The following PITPNM2 variants were observed in gnomAD, a reference collection of about 807,000 sequenced individuals.
PITPNM2 encodes the protein phosphatidylinositol transfer protein membrane associated 2.
Under a neutral mutation model 132.2 loss-of-function variants are expected in PITPNM2, and 35 were observed. That is an observed-to-expected ratio of 0.26 (90% CI 0.20 to 0.35). PITPNM2 has a LOEUF of 0.35. PITPNM2 is among the 10% of genes least tolerant of loss of function. The probability of loss-of-function intolerance (pLI) is 1.00; values close to 1 mark genes in which losing one functional copy is unlikely to be tolerated. For synonymous variants in PITPNM2, 738 were observed against 799.2 expected, an observed-to-expected ratio of 0.92 and a Z score of 1.29; for missense variants, 1,332 against 1,912.0, an observed-to-expected ratio of 0.70 and a Z score of 5.66.
chr12:123,012,577 A>G, intron 5 of PITPNM2, 36 bp downstream of exon 5: 1 of 1,610,440 alleles, frequency 6.2e-7, no homozygotes, highest in Non-Finnish European at 8.5e-7. Flanking sequence ...GGAAACCCAG[A>G]GTACAGCCCT....
intron 3 of PITPNM2, among the ~76,000 whole-genome samples, chr12:123,019,306 G>A (rs753487164): frequency 1.3e-5 from 2 of 152,250 alleles, no homozygotes; most frequent in African/African-American, 2.4e-5. Context: ...GCTTGGCCTG[G>A]TGCTGGTTAC....
Position 122,996,774 on chromosome 12 carries a change from G to A in PITPNM2, c.1609C>T (p.Leu537Phe). 6.2e-7 allele frequency: 1 copy of A among 1,611,530 alleles called. No homozygotes were observed. Among genetic ancestry groups the A allele is most frequent in the Non-Finnish European group, 8.5e-7 (1 of 1,179,382 alleles). The change falls in exon 12 of 26, where the codon CTT becomes TTT. Residue 537 changes from leucine (L) to phenylalanine (F), a missense_variant. Physicochemically the swap from Leu to Phe is conservative, Grantham distance 22. Coordinates refer to ENST00000320201, the MANE Select transcript of PITPNM2 (RefSeq NM_020845.3). ...AVATVIQRANLAYGDFIKSQE... is the reference protein window; with the variant it reads ...AVATVIQRANFAYGDFIKSQE... ...GACTTGATGAAGTCCCCATAGGCAA[G>A]GTTGGCTCGCTGAATCACTGTGGCA...
chr12:123,023,699 A>G lies in PITPNM2; in HGVS notation c.79-9657T>C, dbSNP rs573123094. Among the ~76,000 whole-genome samples the G allele has an allele frequency of 6.6e-6, 1 of 152,344 alleles. No individual in the cohort carries two copies. Among genetic ancestry groups the G allele is most frequent in the East Asian group, 1.9e-4 (1 of 5,192 alleles). ...AAAACTCTTAAGAGAAAACATAGGC[A>G]TAAGTCCTATGAACTTGAACTGGCA... On this transcript the variant is annotated intron_variant, in intron 3 of 25. Transcript: ENST00000320201. This position sits in a 1 kb window ranked among gnomAD's most constrained non-coding sequence, Gnocchi z 4.8.
intron 1 of PITPNM2, among the ~76,000 whole-genome samples, chr12:123,122,109 C>T (rs1200910301): frequency 6.6e-6 from 1 of 152,174 alleles, no homozygotes; most frequent in Non-Finnish European, 1.5e-5. Context: ...AACTCTGTAC[C>T]TATCAAATAC....
At chr12:123,098,762 G>A (rs186309592) in intron 2 of PITPNM2, among the ~76,000 whole-genome samples, 88 of 151,906 alleles carry the variant, frequency 5.8e-4, no homozygotes, top group African/African-American at 2.1e-3. Context: ...CGAATCCCAC[G>A]GGCTCCCAAG....
chr12:123,012,449 T>C (rs972584652), intron 5 of PITPNM2, among the ~76,000 whole-genome samples, 164 bp downstream of exon 5: 15 of 152,232 alleles, frequency 9.9e-5, no homozygotes, highest in African/African-American at 3.6e-4. Flanking sequence ...AGGCCTGCCC[T>C]GCCTCCCCCA....
chr12:123,017,781 G>C (rs1195335505), intron 3 of PITPNM2, among the ~76,000 whole-genome samples: 1 of 152,226 alleles, frequency 6.6e-6, no homozygotes, highest in Admixed American at 6.5e-5. Flanking sequence ...CACATATCCT[G>C]TGATTCCATT....
At chr12:123,074,387 C>A (rs1430639492) in intron 2 of PITPNM2, among the ~76,000 whole-genome samples, 1 of 152,082 alleles carries the variant, frequency 6.6e-6, no homozygotes, top group Non-Finnish European at 1.5e-5. Flanking sequence ...GCCACACTCA[C>A]ATTCACTGCA....
intron 2 of PITPNM2, among the ~76,000 whole-genome samples, chr12:123,043,500 G>A (rs746281349): frequency 3.3e-5 from 5 of 152,132 alleles, no homozygotes; most frequent in Admixed American, 6.5e-5. Context: ...TGGGCACTGC[G>A]GCAGTTACCC....
chr12:123,013,019 G>A (rs1316090207), intron 4 of PITPNM2, among the ~76,000 whole-genome samples: 9 of 152,222 alleles, frequency 5.9e-5, no homozygotes, highest in Admixed American at 2.0e-4. Flanking sequence ...GCAGGAACAC[G>A]GGCACAGCTA....
At chr12:123,034,193 G>A (rs1317474240) in intron 3 of PITPNM2, 1 of 293,008 alleles carries the variant, frequency 3.4e-6, no homozygotes, top group East Asian at 6.0e-5. Context: ...TGGCAGCCCA[G>A]GCAAACTGAA....
chr12:123,045,961 G>A lies in PITPNM2; in HGVS notation c.-95-11276C>T, dbSNP rs555087096. Among the ~76,000 whole-genome samples the A allele has an allele frequency of 7.2e-5, 11 of 152,162 alleles. No homozygotes were observed. In the South Asian group the frequency reaches 2.3e-3, roughly 32 times the overall value. ...CCCAGCCGTCCCTGGGTGTCCCAGC[G>A]AGGGTGTCACAGCCCTTTAGCTCAG... On this transcript the variant is annotated intron_variant, in intron 2 of 25. Transcript: ENST00000320201.
At chr12:122,997,628 G>T (rs1433959299) in intron 10 of PITPNM2, 56 bp from the exon 11 acceptor site, 1 of 1,576,526 alleles carries the variant, frequency 6.3e-7, no homozygotes, top group Non-Finnish European at 8.7e-7. Context: ...CCTTGCTGAG[G>T]CCCCTCTGTC....
At chr12:123,144,417 A>G (rs977622042) in intron 1 of PITPNM2, among the ~76,000 whole-genome samples, 21 of 152,278 alleles carry the variant, frequency 1.4e-4, no homozygotes, top group African/African-American at 4.6e-4. Flanking sequence ...TCAATGATAC[A>G]TATTAAATAG....
At chr12:123,131,634 C>G (rs1160133703) in intron 1 of PITPNM2, among the ~76,000 whole-genome samples, 1 of 152,186 alleles carries the variant, frequency 6.6e-6, no homozygotes, top group East Asian at 1.9e-4. Context: ...TGGAATCCCT[C>G]CAGGACATCA....
intron 1 of PITPNM2, among the ~76,000 whole-genome samples, chr12:123,134,139 C>T (rs1002900850): frequency 2.0e-5 from 3 of 152,144 alleles, no homozygotes; most frequent in Non-Finnish European, 2.9e-5. Context: ...GATCTTGGCT[C>T]ACTGCAACCT....
rs144545235 is a variant in PITPNM2, at chr12:122,988,365, C to T, written c.2881-15G>A. ...TGCCTCATGACCTGGGAAGAGGGGA[C>T]AGTGCAGGCTGTGGGGCAGATGCCA... On this transcript the variant is annotated splice_polypyrimidine_tract_variant and intron_variant, in intron 19 of 25. Coordinates refer to ENST00000320201, the MANE Select transcript of PITPNM2 (RefSeq NM_020845.3). 13 of 1,609,604 alleles carry T rather than the reference C, an allele frequency of 8.1e-6. No individual in the cohort carries two copies. The Admixed American group carries it at 1.7e-4, about 21-fold the overall frequency.
Position 123,036,196 on chromosome 12 carries a change from T to C in PITPNM2, c.-95-1511A>G, listed in dbSNP as rs1305733252. ...GGAGTATCACCCAGGTGCTAAAGCA[T>C]TACTGGGTAGCTAACAAGGTTGAGA... On this transcript the variant is annotated intron_variant, in intron 2 of 25. Transcript: ENST00000320201. The surrounding 1 kb of genome is among the most constrained non-coding windows in gnomAD (Gnocchi z 4.1). Among the ~76,000 whole-genome samples, 10 of 152,142 alleles carry C rather than the reference T, an allele frequency of 6.6e-5. No homozygotes were observed. Among genetic ancestry groups the C allele is most frequent in the Admixed American group, 6.5e-4 (10 of 15,274 alleles).
At chr12:123,119,307 G>A (rs945706326) in intron 1 of PITPNM2, among the ~76,000 whole-genome samples, 7 of 151,706 alleles carry the variant, frequency 4.6e-5, no homozygotes, top group Non-Finnish European at 8.8e-5. Context: ...CAAGGATTAG[G>A]TAGCACAACT....
Sources: gnomAD v4.1 joint callset for allele counts (sites outside exome capture counted in the v4.1 genomes callset) on GRCh38, gnomAD v4.1.1 for gene constraint, Gnocchi (gnomAD v3.1) non-coding constraint, MANE v1.5 for transcripts, NCBI Gene and HGNC (gene_info 2026-07-23, HGNC 2026-07-21) for gene names.